CTNNA2: variants seen among roughly 807,000 people sequenced by gnomAD.
CTNNA2 encodes catenin alpha-2.
In CTNNA2, 42 loss-of-function variants were observed where a neutral mutation model predicts 101.0. The ratio of observed to expected loss-of-function variants is 0.42; its 90% CI spans 0.32 to 0.54. The LOEUF is 0.54. CTNNA2 is among the 20% of genes least tolerant of loss of function. The probability of loss-of-function intolerance (pLI) is 0.14; values close to 1 mark genes in which losing one functional copy is unlikely to be tolerated. For synonymous variants in CTNNA2, 450 were observed against 456.4 expected, an observed-to-expected ratio of 0.99 and a Z score of 0.18; for missense variants, 871 against 1,223.1, an observed-to-expected ratio of 0.71 and a Z score of 4.29.
intron 7 of CTNNA2, among the ~76,000 whole-genome samples, chr2:80,106,687 G>A (rs1370965729): frequency 1.3e-5 from 2 of 152,090 alleles, no homozygotes; most frequent in Non-Finnish European, 2.9e-5. Flanking sequence ...TATGTTCTCC[G>A]ATTAACAATT....
chr2:79,939,454 A>T (rs13416246), intron 7 of CTNNA2, among the ~76,000 whole-genome samples: 12,998 of 152,240 alleles, frequency 0.085, 640 homozygotes, highest in East Asian at 0.2. Context: ...TGTTTTCTGC[A>T]GTCTTAAAAT....
chr2:79,908,493 A>G (rs1342911271), intron 6 of CTNNA2, among the ~76,000 whole-genome samples: 1 of 152,078 alleles, frequency 6.6e-6, no homozygotes, highest in Non-Finnish European at 1.5e-5. Flanking sequence ...CTACCTTATC[A>G]TTGTGGAATG....
At chr2:80,429,687 G>A (rs1364641051) in intron 9 of CTNNA2, among the ~76,000 whole-genome samples, 1 of 152,182 alleles carries the variant, frequency 6.6e-6, no homozygotes, top group Non-Finnish European at 1.5e-5. Flanking sequence ...TATTACTGCA[G>A]AAGAATTCTT....
chr2:79,664,503 A>T (rs1179496920), intron 2 of CTNNA2, among the ~76,000 whole-genome samples: 1 of 152,110 alleles, frequency 6.6e-6, no homozygotes, highest in Admixed American at 6.5e-5. Context: ...CTACCTCTTG[A>T]CCATGGTTTC....
At chr2:79,427,622 T>TA (rs375511412) in intron 4 of CTNNA2, among the ~76,000 whole-genome samples, 2,931 of 146,926 alleles carry the variant, frequency 0.02, 102 homozygotes, top group African/African-American at 0.067. Flanking sequence ...TCTTTAATAT[T>TA]AAAAAAAAAA....
chr2:79,550,691 A>G (rs555858534), intron 1 of CTNNA2, among the ~76,000 whole-genome samples: 1 of 152,300 alleles, frequency 6.6e-6, no homozygotes, highest in Admixed American at 6.5e-5. Flanking sequence ...ACCAAATACC[A>G]TGCATTGCGA....
intron 1 of CTNNA2, among the ~76,000 whole-genome samples, chr2:79,580,090 T>C (rs1049162955): frequency 6.6e-6 from 1 of 152,176 alleles, no homozygotes; most frequent in East Asian, 1.9e-4. Context: ...AGGTGTCCAT[T>C]GTAGCAACCC....
chr2:80,019,216 T>A (rs911879768), intron 7 of CTNNA2, among the ~76,000 whole-genome samples: 1 of 152,174 alleles, frequency 6.6e-6, no homozygotes, highest in Non-Finnish European at 1.5e-5. Context: ...CTGGAACCAA[T>A]ACCCCATGGA....
intron 4 of CTNNA2, among the ~76,000 whole-genome samples, chr2:79,468,349 C>T (rs1489066669): frequency 1.3e-5 from 2 of 152,166 alleles, no homozygotes; most frequent in Non-Finnish European, 1.5e-5. Context: ...TATATATGCA[C>T]CCAATACAGG....
Position 80,591,457 on chromosome 2 carries a change from G to GTTTTTTTTTTTTTTTTTTTTT in CTNNA2, c.2189+1973_2189+1993dup, listed in dbSNP as rs567131551. Among the ~76,000 whole-genome samples, 104 of 70,306 alleles carry GTTTTTTTTTTTTTTTTTTTTT rather than the reference G, an allele frequency of 1.5e-3. 18 individuals are homozygous for GTTTTTTTTTTTTTTTTTTTTT. Among genetic ancestry groups the GTTTTTTTTTTTTTTTTTTTTT allele is most frequent in the Non-Finnish European group, 2.2e-3 (75 of 33,374 alleles). 46.1% of individuals were successfully genotyped at this position (70,306 alleles called of 152,430 possible). A position where few individuals can be genotyped will look rare whatever the true frequency, so the allele number is the denominator to read the frequency against. On this transcript the variant is annotated intron_variant, in intron 15 of 18. Transcript: ENST00000402739. ...ATTGCTGCCTCCATCTGCACAGCCTGTTTTTTTTTTTTTTTTTTTTTGCAA... is the reference window on the plus strand; with the variant it reads ...ATTGCTGCCTCCATCTGCACAGCCTGTTTTTTTTTTTTTTTTTTTTTTTTTTTTTTTTTTTTTTTTTTGCAA...
chr2:80,518,423 T>G (rs1481005383), intron 9 of CTNNA2, among the ~76,000 whole-genome samples: 9 of 152,200 alleles, frequency 5.9e-5, no homozygotes, highest in Admixed American at 5.9e-4. Flanking sequence ...CCTTCTTGTC[T>G]TTATGGATAG....
At chr2:79,201,505 C>T (rs920824108) in intron 2 of CTNNA2, among the ~76,000 whole-genome samples, 1 of 152,072 alleles carries the variant, frequency 6.6e-6, no homozygotes, top group Non-Finnish European at 1.5e-5. Context: ...CTTCCATTGT[C>T]GTGGAAGCAG....
At chr2:80,546,143 A>G (rs1692040549) in intron 11 of CTNNA2, 80 bp downstream of exon 11, 4 of 1,534,510 alleles carry the variant, frequency 2.6e-6, no homozygotes, top group South Asian at 2.5e-5. Flanking sequence ...CGCAAATGTC[A>G]TGGATCTGTG....
In CTNNA2 at chr2:80,581,691, T is replaced by C. The variant is rs767331374; in HGVS notation, c.1894-15T>C. 2.2e-5 allele frequency: 33 copies of C among 1,505,240 alleles called. No individual in the cohort carries two copies. The South Asian group carries it at 3.2e-4, about 14-fold the overall frequency. 93.2% of individuals were successfully genotyped at this position (1,505,240 alleles called of 1,614,324 possible). A position where few individuals can be genotyped will look rare whatever the true frequency, so the allele number is the denominator to read the frequency against. On this transcript the variant is annotated splice_polypyrimidine_tract_variant and intron_variant, in intron 13 of 18. Coordinates refer to ENST00000402739, the MANE Select transcript of CTNNA2 (RefSeq NM_001282597.3). ...ATCAATTTAAGTATGCTGACTTATA[T>C]CTTTTTGTCTTTAGACCCCAGAAGA...
At chr2:79,779,984 T>TA (rs1674300605) in intron 3 of CTNNA2, among the ~76,000 whole-genome samples, 1 of 152,116 alleles carries the variant, frequency 6.6e-6, no homozygotes, top group African/African-American at 2.4e-5. Context: ...AAGAGACACT[T>TA]ACAATCTATT....
rs748831471 is a variant in CTNNA2 at position 80,581,828 on chromosome 2, AC to A, written c.2007+10del. 9.8e-6 allele frequency: 15 copies of A among 1,536,230 alleles called. No individual in the cohort carries two copies. Among genetic ancestry groups the A allele is most frequent in the Non-Finnish European group, 1.1e-5 (12 of 1,109,462 alleles). ...CAGGGCAGAGCGCACGGGTGAGTGGACACCTAAGACTTTGGCTTGGCACACA... is the reference window on the plus strand; with the variant it reads ...CAGGGCAGAGCGCACGGGTGAGTGGAACCTAAGACTTTGGCTTGGCACACA... On this transcript the variant is annotated intron_variant, in intron 14 of 18. Coordinates refer to ENST00000402739, the MANE Select transcript of CTNNA2 (RefSeq NM_001282597.3).
intron 2 of CTNNA2, among the ~76,000 whole-genome samples, chr2:79,705,341 A>T (rs929881201): frequency 6.6e-6 from 1 of 152,078 alleles, no homozygotes; most frequent in African/African-American, 2.4e-5. Flanking sequence ...CATTTACATA[A>T]TTTTTATTAC....
intron 9 of CTNNA2, among the ~76,000 whole-genome samples, chr2:80,436,190 T>A (rs1406243481): frequency 6.6e-6 from 1 of 152,094 alleles, no homozygotes; most frequent in African/African-American, 2.4e-5. Flanking sequence ...TGTTTGCAGA[T>A]GAGTGTGTTC....
At chr2:80,212,203 C>A (rs565888829) in intron 7 of CTNNA2, among the ~76,000 whole-genome samples, 1 of 152,204 alleles carries the variant, frequency 6.6e-6, no homozygotes, top group African/African-American at 2.4e-5. Flanking sequence ...ATTGAATACC[C>A]TTTATTTCTT....
Sources: gnomAD v4.1 joint callset for allele counts (sites outside exome capture counted in the v4.1 genomes callset) on GRCh38, gnomAD v4.1.1 for gene constraint, MANE v1.5 for transcripts, NCBI Gene and HGNC (gene_info 2026-07-23, HGNC 2026-07-21) for gene names.